Variants in LRGUK observed in about 807,000 individuals in gnomAD.
LRGUK encodes leucine rich repeats and guanylate kinase domain containing.
A neutral mutation model predicts 76.0 loss-of-function variants in LRGUK; 65 were observed. The observed-to-expected ratio is 0.85, with a 90% CI of 0.70 to 1.05. The LOEUF is 1.05. Among genes scored for constraint, LRGUK ranks in the 50% least tolerant of loss-of-function variants. LRGUK has a pLI of 0.00. For missense variants in LRGUK, 758 were observed against 732.8 expected (o/e 1.03, Z -0.40); for synonymous variants, 268 against 265.6 (o/e 1.01, Z -0.09).
intron 3 of LRGUK, among the ~76,000 whole-genome samples, chr7:134,142,657 A>G (rs927222833): frequency 2.0e-5 from 3 of 152,200 alleles, no homozygotes; most frequent in African/African-American, 4.8e-5. Flanking sequence ...GATCTAATTT[A>G]GTTATTTAGG....
chr7:134,245,792 A>G (rs1585597375), intron 16 of LRGUK, among the ~76,000 whole-genome samples: 2 of 152,312 alleles, frequency 1.3e-5, no homozygotes, highest in South Asian at 4.1e-4. Flanking sequence ...GAGAGTGAAT[A>G]ACAACAAACA....
chr7:134,128,043 GT>G (rs1797097143), intron 1 of LRGUK, among the ~76,000 whole-genome samples: 1 of 149,142 alleles, frequency 6.7e-6, no homozygotes, highest in South Asian at 2.1e-4. Flanking sequence ...GCCAGCACCT[GT>G]TGCCCATGGC....
chr7:134,269,722 C>A, the LRGUK span, among the ~76,000 whole-genome samples: 1 of 152,010 alleles, frequency 6.6e-6, no homozygotes, highest in African/African-American at 2.4e-5. Flanking sequence ...ATTTCTTGAG[C>A]AAATAAAATT....
At chr7:134,187,205 C>T (rs1011634481) in intron 11 of LRGUK, among the ~76,000 whole-genome samples, 3 of 151,796 alleles carry the variant, frequency 2.0e-5, no homozygotes, top group Admixed American at 6.6e-5. Context: ...AAAGCACATT[C>T]GCACATTCTC....
chr7:134,247,089 T>C (rs1802321849), intron 16 of LRGUK, among the ~76,000 whole-genome samples: 3 of 152,250 alleles, frequency 2.0e-5, no homozygotes, highest in Admixed American at 2.0e-4. Flanking sequence ...ATGATAGTGA[T>C]ATTTGTGAAA....
chr7:134,139,035 G>C (rs550206228), intron 2 of LRGUK, among the ~76,000 whole-genome samples: 109 of 152,264 alleles, frequency 7.2e-4, no homozygotes, highest in African/African-American at 2.5e-3. Flanking sequence ...TCCTGATGAG[G>C]TGTGAATTCT....
At chr7:134,184,279 T>G (rs1268628565) in intron 11 of LRGUK, among the ~76,000 whole-genome samples, 1 of 151,700 alleles carries the variant, frequency 6.6e-6, no homozygotes, top group Non-Finnish European at 1.5e-5. Flanking sequence ...TTTTTTCTTT[T>G]TTTTTTTTGA....
chr7:134,148,560 A>C (rs1424893356), intron 5 of LRGUK, among the ~76,000 whole-genome samples: 1 of 152,196 alleles, frequency 6.6e-6, no homozygotes, highest in Non-Finnish European at 1.5e-5. Context: ...AAAGCCAAGT[A>C]AGATAGTCAT....
intron 5 of LRGUK, among the ~76,000 whole-genome samples, chr7:134,157,820 G>C (rs928657402): frequency 6.6e-6 from 1 of 152,176 alleles, no homozygotes; most frequent in Admixed American, 6.5e-5. Flanking sequence ...ACCGCACCCA[G>C]CCACTATGCC....
intron 10 of LRGUK, among the ~76,000 whole-genome samples, chr7:134,183,319 G>A (rs924937585): frequency 1.8e-4 from 27 of 152,170 alleles, no homozygotes; most frequent in Non-Finnish European, 4.4e-5. Context: ...GTAAATTTTA[G>A]CTATTACTGT....
intron 16 of LRGUK, among the ~76,000 whole-genome samples, chr7:134,222,792 G>A (rs1400841627): frequency 6.6e-6 from 1 of 152,074 alleles, no homozygotes; most frequent in Non-Finnish European, 1.5e-5. Context: ...ATTTTCAGTA[G>A]AGATGGGGTT....
chr7:134,262,000 C>T (rs1231587285), intron 19 of LRGUK, among the ~76,000 whole-genome samples: 1 of 152,054 alleles, frequency 6.6e-6, no homozygotes, highest in Non-Finnish European at 1.5e-5. Flanking sequence ...ATTTGCAAAC[C>T]CCTTCAACAC....
intron 15 of LRGUK, among the ~76,000 whole-genome samples, chr7:134,221,214 T>C (rs1801587517): frequency 1.3e-5 from 2 of 152,148 alleles, no homozygotes; most frequent in Admixed American, 1.3e-4. Context: ...TTGTTGATGC[T>C]CCCATATAGC....
At chr7:134,215,506 A>G (rs937452826) in intron 15 of LRGUK, among the ~76,000 whole-genome samples, 3 of 152,112 alleles carry the variant, frequency 2.0e-5, no homozygotes, top group Non-Finnish European at 2.9e-5. Context: ...TCTCTGGGAC[A>G]AGGATCTGGT....
chr7:134,127,437 C>T lies in LRGUK; in HGVS notation c.70C>T (p.Arg24Ter), dbSNP rs144938746. 13 of 1,613,964 alleles carry T rather than the reference C, an allele frequency of 8.1e-6. No homozygotes were observed. Among genetic ancestry groups the T allele is most frequent in the Non-Finnish European group, 1.0e-5 (12 of 1,180,010 alleles). ...TCTCCTGAGAGGCTTGGGCAGATCC[C>T]GAACTGGAGCCCGATCGTTACAGTT... is the stretch of plus-strand genomic sequence containing the variant. Residue 24 changes from arginine (R) to a stop codon, truncating the protein, a stop_gained, in exon 1 of 16, where the codon CGA (arginine) becomes TGA (stop). Coordinates refer to ENST00000645682, the Ensembl canonical transcript of LRGUK. LOFTEE classifies it high-confidence loss of function.
At chr7:134,250,402 T>G (rs527730865) in intron 18 of LRGUK, among the ~76,000 whole-genome samples, 8 of 152,200 alleles carry the variant, frequency 5.3e-5, no homozygotes, top group Non-Finnish European at 8.8e-5. Flanking sequence ...TTTGTTTTTT[T>G]GTTCACCCCC....
intron 1 of LRGUK, among the ~76,000 whole-genome samples, chr7:134,131,811 A>G (rs929188017): frequency 6.6e-6 from 1 of 152,194 alleles, no homozygotes; most frequent in African/African-American, 2.4e-5. Flanking sequence ...TATATGAACA[A>G]TATGACTGGA....
At chr7:134,144,690 CAG>C (rs1797897976) in intron 4 of LRGUK, among the ~76,000 whole-genome samples, 1 of 152,078 alleles carries the variant, frequency 6.6e-6, no homozygotes, top group Non-Finnish European at 1.5e-5. Context: ...AATCAAGAAA[CAG>C]ACATTCCCTT....
At chr7:134,143,041 T>C (rs1797832971) in intron 3 of LRGUK, 21 bp from the exon 4 acceptor site, 2 of 1,278,744 alleles carry the variant, frequency 1.6e-6, no homozygotes, top group African/African-American at 1.5e-5. Flanking sequence ...TACCTTATTC[T>C]GTATCTGTTT....
Sources: allele counts gnomAD v4.1 joint callset (sites outside exome capture counted in the v4.1 genomes callset), GRCh38; gene constraint gnomAD v4.1.1; transcripts MANE v1.5; gene names NCBI Gene and HGNC (gene_info 2026-07-23, HGNC 2026-07-21).